The following PPP2R1B variants were observed in gnomAD, a reference collection of about 807,000 sequenced individuals.
PPP2R1B encodes the protein serine/threonine-protein phosphatase 2A 65 kDa regulatory subunit A beta isoform.
In PPP2R1B, 58 loss-of-function variants were observed where a neutral mutation model predicts 72.7. The ratio of observed to expected loss-of-function variants is 0.80; its 90% CI spans 0.65 to 0.99. PPP2R1B has a LOEUF of 0.99. Among genes scored for constraint, PPP2R1B ranks in the 50% least tolerant of loss-of-function variants. The pLI, the probability that PPP2R1B is intolerant of heterozygous loss-of-function variation, is 0.00. For missense variants in PPP2R1B, 695 were observed against 733.6 expected (o/e 0.95, Z 0.61); for synonymous variants, 256 against 264.6 (o/e 0.97, Z 0.32).
chr11:111,737,527 T>TC (rs1478815697), downstream of PPP2R1B: 3 of 1,614,194 alleles, frequency 1.9e-6, no homozygotes, highest in Admixed American at 3.3e-5. Flanking sequence ...TTCTCCACTG[T>TC]CCTTCACAGG....
At chr11:111,724,036 C>T (rs765793089), downstream of PPP2R1B, 2 of 1,614,174 alleles carry the variant, frequency 1.2e-6, no homozygotes, top group Admixed American at 3.3e-5. Flanking sequence ...CCAGCTACGA[C>T]CCACTAGCCC....
At chr11:111,712,617 CCTGT>C in the PPP2R1B span, among the ~76,000 whole-genome samples, 1 of 152,156 alleles carries the variant, frequency 6.6e-6, no homozygotes, top group African/African-American at 2.4e-5. Context: ...AAAAGTCCTC[CCTGT>C]CTTTCTCGCT....
intron 3 of PPP2R1B, 33 bp from the exon 4 acceptor site, chr11:111,761,084 A>C (rs782295146): frequency 6.4e-7 from 1 of 1,552,184 alleles, no homozygotes; most frequent in South Asian, 1.1e-5. Context: ...CCAGAGAAGA[A>C]AACTTATTGA....
chr11:111,754,992 G>T lies in PPP2R1B; in HGVS notation c.946C>A (p.His316Asn). 6.2e-7 allele frequency: 1 copy of T among 1,611,104 alleles called. No individual in the cohort carries two copies. Among genetic ancestry groups the T allele is most frequent in the Non-Finnish European group, 8.5e-7 (1 of 1,177,542 alleles). The change falls in exon 7 of 15, where the codon CAC becomes AAC. Residue 316 changes from histidine (H) to asparagine (N), a missense_variant. His to Asn is a moderately conservative substitution (Grantham distance 68). Transcript: ENST00000527614. ...TGAACTCCTTAACCTTTTACTTTGTGGGCAGCAGCTGCCCGGACTTCAGCT... is the reference window on the plus strand; with the variant it reads ...TGAACTCCTTAACCTTTTACTTTGTTGGCAGCAGCTGCCCGGACTTCAGCT... ...CEAEVRAAAAHKVKELGENLP... is the reference protein window; with the variant it reads ...CEAEVRAAAANKVKELGENLP...
At chr11:111,696,616 G>T in the PPP2R1B span, among the ~76,000 whole-genome samples, 1 of 152,170 alleles carries the variant, frequency 6.6e-6, no homozygotes, top group Non-Finnish European at 1.5e-5. Context: ...TTCTAGCAGG[G>T]CTAGGCTGGA....
chr11:111,749,878 G>A lies in PPP2R1B; in HGVS notation c.1339-1864C>T, dbSNP rs369994062. 1.8e-4 allele frequency among the ~76,000 whole-genome samples: 27 copies of A among 152,284 alleles called. No individual in the cohort carries two copies. The East Asian group carries it at 5.2e-3, about 29-fold the overall frequency. ...GCTAGCAACCCTGGGAAACTTTCCA[G>A]GTCTAGAAGGAGCAGAGGTTAAAAG... On this transcript the variant is annotated intron_variant, in intron 10 of 14. Transcript: ENST00000527614.
chr11:111,706,546 T>C, the PPP2R1B span, among the ~76,000 whole-genome samples: 1 of 152,322 alleles, frequency 6.6e-6, no homozygotes, highest in African/African-American at 2.4e-5. Flanking sequence ...TTTTACAAAA[T>C]TTACAGGATT....
At chr11:111,701,518 A>G in the PPP2R1B span, 11 of 1,613,920 alleles carry the variant, frequency 6.8e-6, no homozygotes, top group Admixed American at 1.8e-4. This position sits in a 1 kb window ranked among gnomAD's most constrained non-coding sequence, Gnocchi z 4.2. Context: ...GACTCTTCCA[A>G]TTTTGAGGCA....
the PPP2R1B span, among the ~76,000 whole-genome samples, chr11:111,704,061 A>G: frequency 6.6e-6 from 1 of 152,370 alleles, no homozygotes; most frequent in Non-Finnish European, 1.5e-5. Context: ...ACAAGAAAGA[A>G]TATCAAATGC....
chr11:111,752,010 A>T, intron 10 of PPP2R1B, 149 bp downstream of exon 10: 1 of 863,398 alleles, frequency 1.2e-6, no homozygotes, highest in East Asian at 2.7e-5. Flanking sequence ...TAACAAACAT[A>T]AAAACCATCC....
At chr11:111,695,296 T>C in the PPP2R1B span, among the ~76,000 whole-genome samples, 3 of 152,202 alleles carry the variant, frequency 2.0e-5, no homozygotes, top group Admixed American at 2.0e-4. Context: ...AATTATAAAT[T>C]AGACATTATA....
chr11:111,710,691 C>T, the PPP2R1B span, among the ~76,000 whole-genome samples: 1 of 152,188 alleles, frequency 6.6e-6, no homozygotes, highest in Non-Finnish European at 1.5e-5. Flanking sequence ...CTTTTACAGT[C>T]CTGACTTCAC....
chr11:111,721,228 G>A, the PPP2R1B span, among the ~76,000 whole-genome samples: 2 of 152,148 alleles, frequency 1.3e-5, no homozygotes, highest in Admixed American at 6.5e-5. Context: ...TGCCACTGAC[G>A]GGTTCAACCC....
At chr11:111,708,192 G>A in the PPP2R1B span, among the ~76,000 whole-genome samples, 1 of 152,016 alleles carries the variant, frequency 6.6e-6, no homozygotes, top group Non-Finnish European at 1.5e-5. Flanking sequence ...GACCAGCCTG[G>A]GCAACATGGT....
In PPP2R1B at chr11:111,761,068, G is replaced by T. The variant is rs1945307339; in HGVS notation, c.307-17C>A. On this transcript the variant is annotated splice_polypyrimidine_tract_variant and intron_variant, in intron 3 of 14. Transcript: ENST00000527614. ...CAAAGGAGGCTGAATGGATTAAAAA[G>T]GAAAACCAGAGAAGAAAACTTATTG... is the stretch of plus-strand genomic sequence containing the variant. The T allele has an allele frequency of 1.9e-6, 3 of 1,600,258 alleles. No homozygotes were observed. The South Asian group carries it at 3.3e-5, about 18-fold the overall frequency.
chr11:111,711,311 C>T, the PPP2R1B span, among the ~76,000 whole-genome samples: 2 of 151,942 alleles, frequency 1.3e-5, no homozygotes, highest in Admixed American at 6.6e-5. Context: ...TTAGTAGAGA[C>T]GGGGTTTCAC....
downstream of PPP2R1B, chr11:111,722,090 T>A: frequency 1.8e-6 from 1 of 549,348 alleles, no homozygotes; most frequent in Non-Finnish European, 3.1e-6. This position sits in a 1 kb window ranked among gnomAD's most constrained non-coding sequence, Gnocchi z 4.4. Context: ...TTGGAGTTTC[T>A]AGAAACGTGT....
intron 5 of PPP2R1B, among the ~76,000 whole-genome samples, chr11:111,756,456 A>G (rs1243838459): frequency 6.6e-6 from 1 of 152,200 alleles, no homozygotes; most frequent in Non-Finnish European, 1.5e-5. Context: ...AAAAATGAAA[A>G]CAATATTTGT....
the PPP2R1B span, among the ~76,000 whole-genome samples, chr11:111,719,326 G>GA: frequency 1.2e-4 from 17 of 137,434 alleles, no homozygotes; most frequent in Admixed American, 1.2e-3. Context: ...GTTTATGGTT[G>GA]AAAAAATAGA....
Sources: allele counts gnomAD v4.1 joint callset (sites outside exome capture counted in the v4.1 genomes callset), GRCh38; gene constraint gnomAD v4.1.1; non-coding constraint Gnocchi (gnomAD v3.1); transcripts MANE v1.5; gene names NCBI Gene and HGNC (gene_info 2026-07-23, HGNC 2026-07-21).